The following PDZD2 variants were observed in gnomAD, a reference collection of about 807,000 sequenced individuals.
PDZD2 encodes the protein PDZ domain-containing protein 2.
In PDZD2, 90 loss-of-function variants were observed where a neutral mutation model predicts 220.7. That is an observed-to-expected ratio of 0.41 (90% confidence interval 0.34 to 0.49). PDZD2 has a LOEUF of 0.49. Ranked by LOEUF, PDZD2 falls within the 20% of genes least tolerant of loss-of-function variation. The pLI, the probability that PDZD2 is intolerant of heterozygous loss-of-function variation, is 0.28. For synonymous variants in PDZD2, 1,375 were observed against 1,450.5 expected (o/e 0.95, Z 1.18); for missense variants, 3,174 against 3,608.5 (o/e 0.88, Z 3.08).
intron 6 of PDZD2, among the ~76,000 whole-genome samples, chr5:32,018,405 A>AT (rs1561361349): frequency 1.3e-5 from 2 of 152,146 alleles, no homozygotes; most frequent in African/African-American, 4.8e-5. Context: ...CTGTCTCCCT[A>AT]TTTTCTGCAG....
chr5:32,044,421 C>G (rs905095997), intron 7 of PDZD2, among the ~76,000 whole-genome samples: 3 of 152,050 alleles, frequency 2.0e-5, no homozygotes, highest in Admixed American at 6.6e-5. Flanking sequence ...GAGGCACATA[C>G]GAGAGGTACA....
At chr5:31,992,864 G>GAAA (rs11442724) in intron 3 of PDZD2, among the ~76,000 whole-genome samples, 10 of 140,454 alleles carry the variant, frequency 7.1e-5, no homozygotes, top group South Asian at 2.3e-4. Flanking sequence ...CTCTTCCATG[G>GAAA]AAAAAAAAAA....
intron 1 of PDZD2, among the ~76,000 whole-genome samples, chr5:31,698,184 G>A (rs1261446286): frequency 2.7e-5 from 4 of 150,344 alleles, no homozygotes; most frequent in East Asian, 2.0e-4. Context: ...GATTACAGGC[G>A]TGAGCCACCG....
chr5:32,101,866 A>T (rs77058402), intron 24 of PDZD2, among the ~76,000 whole-genome samples: 5,763 of 152,328 alleles, frequency 0.038, 384 homozygotes, highest in African/African-American at 0.13. Flanking sequence ...AATTGTACTA[A>T]TAATATTAAC....
intron 6 of PDZD2, among the ~76,000 whole-genome samples, chr5:32,013,561 G>A (rs1449324315): frequency 6.6e-6 from 1 of 151,934 alleles, no homozygotes; most frequent in Non-Finnish European, 1.5e-5. Flanking sequence ...CACTAGATTT[G>A]GGAAGCTTTG....
intron 1 of PDZD2, among the ~76,000 whole-genome samples, chr5:31,761,253 A>G (rs1325109163): frequency 6.6e-6 from 1 of 152,220 alleles, no homozygotes; most frequent in East Asian, 1.9e-4. Context: ...TAACAAGGGC[A>G]GCAGCGTTTT....
chr5:32,024,298 G>C (rs761347037), intron 6 of PDZD2, among the ~76,000 whole-genome samples: 50 of 152,198 alleles, frequency 3.3e-4, no homozygotes, highest in Non-Finnish European at 6.3e-4. Flanking sequence ...CATCCCTCAA[G>C]CCGCAAAAGT....
chr5:32,044,042 T>G (rs1342486697), intron 7 of PDZD2, among the ~76,000 whole-genome samples: 1 of 152,106 alleles, frequency 6.6e-6, no homozygotes, highest in Non-Finnish European at 1.5e-5. Flanking sequence ...CAGGAAGGCC[T>G]TCTAGGCTGG....
intron 1 of PDZD2, among the ~76,000 whole-genome samples, chr5:31,692,313 C>T (rs1310002216): frequency 2.6e-5 from 4 of 152,204 alleles, no homozygotes; most frequent in Admixed American, 6.5e-5. Flanking sequence ...CCGCAAGCAC[C>T]GGGCGCGGCC....
At chr5:32,063,675 A>G (rs929210330) in intron 14 of PDZD2, among the ~76,000 whole-genome samples, 1 of 152,236 alleles carries the variant, frequency 6.6e-6, no homozygotes, top group Non-Finnish European at 1.5e-5. Flanking sequence ...GGCAGTGCCA[A>G]CATACCAGGG....
At chr5:31,885,702 G>A (rs1018798458) in intron 2 of PDZD2, among the ~76,000 whole-genome samples, 2 of 152,004 alleles carry the variant, frequency 1.3e-5, no homozygotes, top group African/African-American at 2.4e-5. Context: ...GAGAAACATA[G>A]TATAGCATAA....
Position 31,725,622 on chromosome 5 carries a change from T to C in PDZD2, c.-360-73267T>C, listed in dbSNP as rs1561409892. The C allele has an allele frequency of 8.2e-6, 11 of 1,344,520 alleles. No homozygotes were observed. The East Asian group carries it at 2.1e-4, about 25-fold the overall frequency. The allele number at this position is 1,344,520 out of a possible 1,614,324, so 83.3% of individuals were successfully genotyped here. ...ATCTTGACTGAGATTTGGATCTAGG[T>C]GGTCCTTTTTTCCTTGATTCCTTTT... On this transcript the variant is annotated intron_variant, in intron 1 of 24. Coordinates refer to ENST00000438447, the MANE Select transcript of PDZD2 (RefSeq NM_178140.4).
Position 32,087,910 on chromosome 5 carries a change from G to A in PDZD2, c.4462G>A (p.Ala1488Thr). 1.2e-6 allele frequency: 2 copies of A among 1,613,660 alleles called. No homozygotes were observed. Among genetic ancestry groups the A allele is most frequent in the Non-Finnish European group, 1.7e-6 (2 of 1,179,878 alleles). Reference protein sequence around the residue: ...GQTSSPRRAWAAGAPAYPQWA... With the variant: ...GQTSSPRRAWTAGAPAYPQWA... ...GACCTCCTCCCCGAGGAGGGCCTGG[G>A]CTGCTGGTGCCCCCGCCTACCCACA... The change falls in exon 20 of 25, where the codon GCT (alanine) becomes ACT (threonine). Residue 1488 changes from alanine to threonine, a missense_variant. This residue lies in a region of PDZD2 where 1,861 missense variants were observed against 2,001.0 expected (regional missense o/e 0.93). Coordinates refer to ENST00000438447, the MANE Select transcript of PDZD2 (RefSeq NM_178140.4). The surrounding 1 kb of genome is among the most constrained non-coding windows in gnomAD (Gnocchi z 4.0).
chr5:31,851,207 C>G (rs1280016267), intron 2 of PDZD2, among the ~76,000 whole-genome samples: 1 of 152,096 alleles, frequency 6.6e-6, no homozygotes, highest in Non-Finnish European at 1.5e-5. Flanking sequence ...TAAGAGGCAT[C>G]AGATTGGACA....
At chr5:32,074,734 C>T in intron 18 of PDZD2, 91 bp downstream of exon 18, 1 of 800,378 alleles carries the variant, frequency 1.2e-6, no homozygotes, top group Non-Finnish European at 2.0e-6. Context: ...GGTAAGCTGC[C>T]AGTGGGAAAG....
At chr5:31,951,360 AC>A (rs1270169749) in intron 2 of PDZD2, among the ~76,000 whole-genome samples, 2 of 152,228 alleles carry the variant, frequency 1.3e-5, no homozygotes, top group East Asian at 3.9e-4. Flanking sequence ...GAGCCACTGC[AC>A]CTGGCCTTCA....
intron 2 of PDZD2, among the ~76,000 whole-genome samples, chr5:31,948,952 A>G (rs986973065): frequency 3.3e-5 from 5 of 151,988 alleles, no homozygotes; most frequent in African/African-American, 1.2e-4. Context: ...TACAAAAATT[A>G]GCTGGGAGTA....
At position 32,109,199 on chromosome 5, in the gene PDZD2, G is replaced by A. The variant is rs904275032; in HGVS notation, c.*1064G>A. ...GGAGCTTAATGGAATCCTTTTAGGA[G>A]ACTGGTTGGTTTTTTTCCCTCTTTC... On this transcript the variant is annotated 3_prime_UTR_variant, in exon 25 of 25. Coordinates refer to ENST00000438447, the MANE Select transcript of PDZD2 (RefSeq NM_178140.4). 3.3e-5 allele frequency: 5 copies of A among 152,122 alleles called. No individual in the cohort carries two copies. The highest frequency in any genetic ancestry group is 1.2e-4 in the African/African-American group (5 of 41,348). The allele number at this position is 152,122 out of a possible 1,614,324, so 9.4% of individuals were successfully genotyped here. A position where few individuals can be genotyped will look rare whatever the true frequency, so the allele number is the denominator to read the frequency against.
chr5:31,840,234 A>AAAACG (rs1466129583), intron 2 of PDZD2, among the ~76,000 whole-genome samples: 1 of 72,248 alleles, frequency 1.4e-5, no homozygotes, highest in Non-Finnish European at 2.9e-5. Flanking sequence ...GTTTCAAAAC[A>AAAACG]AAACAAAACA....
Sources: gnomAD v4.1 joint callset for allele counts (sites outside exome capture counted in the v4.1 genomes callset) on GRCh38, gnomAD v4.1.1 for gene constraint, gnomAD v4.1.1 regional missense constraint, Gnocchi (gnomAD v3.1) non-coding constraint, MANE v1.5 for transcripts, NCBI Gene and HGNC (gene_info 2026-07-23, HGNC 2026-07-21) for gene names.